STARD8: variants seen among roughly 807,000 people sequenced by gnomAD.
The protein encoded by STARD8 is stAR-related lipid transfer protein 8.
STARD8 carries 25 observed loss-of-function variants against 69.4 expected under a neutral mutation model. That is an observed-to-expected ratio of 0.36 (90% CI 0.26 to 0.50). The LOEUF is 0.50. Among genes scored for constraint, STARD8 ranks in the 20% least tolerant of loss-of-function variants. The probability of loss-of-function intolerance (pLI) is 0.96; values close to 1 mark genes in which losing one functional copy is unlikely to be tolerated. For missense variants in STARD8, 921 were observed against 932.5 expected (o/e 0.99, Z 0.16); for synonymous variants, 389 against 374.6 (o/e 1.04, Z -0.45).
chrX:68,682,173 A>G (rs2079805360), intron 2 of STARD8, among the ~76,000 whole-genome samples: 1 of 110,594 alleles, frequency 9.0e-6, no homozygotes, highest in South Asian at 3.9e-4. Flanking sequence ...TAATTTTTGT[A>G]TTTTTAATAG....
intron 1 of STARD8, among the ~76,000 whole-genome samples, chrX:68,662,991 G>A (rs1252765865): frequency 8.9e-6 from 1 of 111,832 alleles, no homozygotes; most frequent in East Asian, 2.8e-4. Flanking sequence ...AATAAATAAA[G>A]GAATATATGA....
intron 2 of STARD8, among the ~76,000 whole-genome samples, chrX:68,682,152 C>T (rs2079805217): frequency 9.0e-6 from 1 of 110,949 alleles, no homozygotes; most frequent in Non-Finnish European, 1.9e-5. Context: ...GCGCACACCA[C>T]CACGCCTGGC....
intron 4 of STARD8, among the ~76,000 whole-genome samples, 189 bp from the exon 5 acceptor site, chrX:68,716,179 T>G (rs1469836540): frequency 1.8e-5 from 2 of 112,058 alleles, no homozygotes; most frequent in Non-Finnish European, 3.8e-5. Context: ...TCCACTCTCT[T>G]TGTAAGCTCC....
chrX:68,667,067 G>A (rs904026875), intron 2 of STARD8, among the ~76,000 whole-genome samples: 2 of 112,267 alleles, frequency 1.8e-5, no homozygotes, highest in Non-Finnish European at 3.8e-5. Flanking sequence ...TACTGGGTAG[G>A]GTCAGGCAGA....
At chrX:68,652,869 A>ACCCC (rs1569350744) in intron 1 of STARD8, among the ~76,000 whole-genome samples, 1 of 1,702 alleles carries the variant, frequency 5.9e-4, no homozygotes, top group African/African-American at 2.6e-3. Flanking sequence ...ACACACACAC[A>ACCCC]CACCCACACC....
rs2079524762 is a variant in STARD8, at chrX:68,647,881, C to T, written c.-2C>T. On this transcript the variant is annotated 5_prime_UTR_variant, in exon 1 of 15. Coordinates refer to ENST00000374599, the MANE Select transcript of STARD8 (RefSeq NM_001142503.3). ...GGCCCTAGAAGCTCCCCACGCGCCACCATGCCTCTGCTGGACGTTTTCTGG... is the reference window on the plus strand; with the variant it reads ...GGCCCTAGAAGCTCCCCACGCGCCATCATGCCTCTGCTGGACGTTTTCTGG... 3.3e-6 allele frequency: 4 copies of T among 1,198,166 alleles called. No individual in the cohort carries two copies. Among genetic ancestry groups the T allele is most frequent in the Non-Finnish European group, 4.5e-6 (4 of 889,052 alleles).
At chrX:68,672,612 C>G (rs1022007849) in intron 2 of STARD8, among the ~76,000 whole-genome samples, 8 of 111,644 alleles carry the variant, frequency 7.2e-5, no homozygotes, top group African/African-American at 2.6e-4. Context: ...CAAAGCAGAA[C>G]AAACTGGTGT....
chrX:68,669,519 C>A (rs1212175057), intron 2 of STARD8, among the ~76,000 whole-genome samples: 8 of 112,447 alleles, frequency 7.1e-5, no homozygotes, highest in Non-Finnish European at 1.1e-4. Context: ...CTCCCACCGC[C>A]TTTGCACCAA....
intron 1 of STARD8, among the ~76,000 whole-genome samples, chrX:68,649,353 G>A (rs995624377): frequency 9.1e-6 from 1 of 110,234 alleles, no homozygotes; most frequent in Non-Finnish European, 1.9e-5. Context: ...CTCAAATGTA[G>A]GGTTAGAGAG....
chrX:68,647,930 A>G lies in STARD8; in HGVS notation c.45+3A>G, dbSNP rs373264918. ...GGTCTTGCTTCAGGAAGGTGAAGGT[A>G]AGTGACTGGCCAGCCCCAGCCCATC... On this transcript the variant is annotated splice_donor_region_variant and intron_variant, in intron 1 of 14. Coordinates refer to ENST00000374599, the MANE Select transcript of STARD8 (RefSeq NM_001142503.3). 2.4e-5 allele frequency: 29 copies of G among 1,197,450 alleles called. No individual in the cohort carries two copies. In the South Asian group the frequency reaches 4.6e-4, roughly 19 times the overall value.
At chrX:68,652,894 C>G (rs2079562193) in intron 1 of STARD8, among the ~76,000 whole-genome samples, 1 of 53,335 alleles carries the variant, frequency 1.9e-5, no homozygotes. Context: ...ACACACACAC[C>G]ACACCACACA....
chrX:68,691,833 C>G (rs2079878674), intron 2 of STARD8, among the ~76,000 whole-genome samples: 1 of 112,380 alleles, frequency 8.9e-6, no homozygotes, highest in African/African-American at 3.2e-5. Flanking sequence ...AATGTATCTA[C>G]TAAAAGATAA....
At chrX:68,674,466 G>C (rs749342665) in intron 2 of STARD8, among the ~76,000 whole-genome samples, 136 of 110,714 alleles carry the variant, frequency 1.2e-3, no homozygotes, top group Non-Finnish European at 1.2e-3. Context: ...AAAAGTCTGA[G>C]AGCCACAAAG....
chrX:68,662,150 G>A lies in STARD8; in HGVS notation c.46-3349G>A, dbSNP rs768494758. Reference sequence around the variant, plus strand: ...AGCCTCCTGAGTAGCTGGGATTGTAGGCATGTGCCACCACGCCCAGCTAAT... The same window carrying A: ...AGCCTCCTGAGTAGCTGGGATTGTAAGCATGTGCCACCACGCCCAGCTAAT... On this transcript the variant is annotated intron_variant, in intron 1 of 14. Coordinates refer to ENST00000374599, the MANE Select transcript of STARD8 (RefSeq NM_001142503.3). 3.6e-5 allele frequency among the ~76,000 whole-genome samples: 4 copies of A among 110,215 alleles called. No homozygotes were observed. The South Asian group carries it at 1.2e-3, about 32-fold the overall frequency.
chrX:68,688,496 G>C (rs749510132), intron 2 of STARD8, among the ~76,000 whole-genome samples: 2 of 109,890 alleles, frequency 1.8e-5, no homozygotes, highest in South Asian at 3.8e-4. Flanking sequence ...GGCAGCTGAC[G>C]ATGGAACCTG....
intron 7 of STARD8, 138 bp downstream of exon 7, chrX:68,719,536 G>T: frequency 1.4e-6 from 1 of 717,001 alleles, no homozygotes; most frequent in Non-Finnish European, 1.9e-6. Flanking sequence ...CAGGAGGCTG[G>T]AGGGGCTTGG....
intron 2 of STARD8, among the ~76,000 whole-genome samples, chrX:68,699,696 GGGGGCAGGAAAT>G (rs1418794021): frequency 1.8e-5 from 2 of 111,892 alleles, no homozygotes; most frequent in Non-Finnish European, 3.8e-5. Flanking sequence ...CTTAACATGT[GGGGGCAGGAAAT>G]GGGGCACTGG....
rs1486343582 is a variant in STARD8, at chrX:68,725,292, A to G, written c.*870A>G. On this transcript the variant is annotated 3_prime_UTR_variant, in exon 15 of 15. Coordinates refer to ENST00000374599, the MANE Select transcript of STARD8 (RefSeq NM_001142503.3). ...TCCCTTTTGCTTATGGTAGTGGGCT[A>G]ACATAACAGCCCCTTTCTCAAGCAG... 2 of 109,389 alleles carry G rather than the reference A, an allele frequency of 1.8e-5. No homozygotes were observed. Among genetic ancestry groups the G allele is most frequent in the Non-Finnish European group, 3.8e-5 (2 of 52,627 alleles). The allele number at this position is 109,389 out of a possible 1,213,427, so 9.0% of individuals were successfully genotyped here. A position where few individuals can be genotyped will look rare whatever the true frequency, so the allele number is the denominator to read the frequency against.
intron 1 of STARD8, among the ~76,000 whole-genome samples, chrX:68,649,510 G>A (rs957923206): frequency 1.2e-4 from 13 of 110,387 alleles, no homozygotes; most frequent in African/African-American, 4.3e-4. Context: ...GGATAATGTC[G>A]TGCAGTGTTC....
Sources: gnomAD v4.1 joint callset for allele counts (sites outside exome capture counted in the v4.1 genomes callset) on GRCh38, gnomAD v4.1.1 for gene constraint, MANE v1.5 for transcripts, NCBI Gene and HGNC (gene_info 2026-07-23, HGNC 2026-07-21) for gene names.